Variants in KHSRP observed in about 807,000 individuals in gnomAD.
KHSRP encodes KH-type splicing regulatory protein, also known as far upstream element-binding protein 2.
Under a neutral mutation model 94.9 loss-of-function variants are expected in KHSRP, and 13 were observed. That is an observed-to-expected ratio of 0.14 (90% CI 0.09 to 0.22). The LOEUF is 0.22. Among genes scored for constraint, KHSRP ranks in the 10% least tolerant of loss-of-function variants. The pLI, the probability that KHSRP is intolerant of heterozygous loss-of-function variation, is 1.00. For missense variants in KHSRP, 710 were observed against 1,010.0 expected, an observed-to-expected ratio of 0.70 and a Z score of 4.03; for synonymous variants, 495 against 401.4, an observed-to-expected ratio of 1.23 and a Z score of -2.79.
At position 6,420,553 on chromosome 19, in the gene KHSRP, G is replaced by A; in HGVS notation, c.426-82C>T. Reference sequence around the variant, plus strand: ...CTCTGGAAGGTCTACTTGAAGCCAAGGCCACCATAGGTCTAAGCAGAGTCT... The same window carrying A: ...CTCTGGAAGGTCTACTTGAAGCCAAAGCCACCATAGGTCTAAGCAGAGTCT... On this transcript the variant is annotated intron_variant, in intron 4 of 18. Coordinates refer to ENST00000600480, the MANE Select transcript of KHSRP (RefSeq NM_001366299.1). The A allele has an allele frequency of 2.4e-6, 3 of 1,245,602 alleles. No homozygotes were observed. The South Asian group carries it at 3.7e-5, about 15-fold the overall frequency. 77.2% of individuals were successfully genotyped at this position (1,245,602 alleles called of 1,614,324 possible). A position where few individuals can be genotyped will look rare whatever the true frequency, so the allele number is the denominator to read the frequency against.
At chr19:6,423,399 G>A (rs549013348) in intron 1 of KHSRP, among the ~76,000 whole-genome samples, 1 of 152,340 alleles carries the variant, frequency 6.6e-6, no homozygotes, top group African/African-American at 2.4e-5. Context: ...CTGGGGTTTA[G>A]AAACCCAAAC....
chr19:6,414,540 C>CG lies in KHSRP; in HGVS notation c.*483dup. On this transcript the variant is annotated 3_prime_UTR_variant, in exon 19 of 19. Transcript: ENST00000600480. ...TTCACGCCCACTTCACAGACAAGCC[C>CG]GGGACACAGGCAAGCGCGAGCGCAT... is the stretch of plus-strand genomic sequence containing the variant. The CG allele has an allele frequency of 9.7e-7, 1 of 1,033,664 alleles. No homozygotes were observed. The highest frequency in any genetic ancestry group is 1.2e-6 in the Non-Finnish European group (1 of 861,666). The allele number at this position is 1,033,664 out of a possible 1,614,324, so 64.0% of individuals were successfully genotyped here.
rs2092116074 is a variant in KHSRP at position 6,413,523 on chromosome 19, C to A, written c.*1501G>T. On this transcript the variant is annotated 3_prime_UTR_variant, in exon 19 of 19. Coordinates refer to ENST00000600480, the MANE Select transcript of KHSRP (RefSeq NM_001366299.1). ...GACGGGCGGGGCCGCGGGAGCTGAGCCAGGGCGGGAGGGAGAGAAGAGGGG... is the reference window on the plus strand; with the variant it reads ...GACGGGCGGGGCCGCGGGAGCTGAGACAGGGCGGGAGGGAGAGAAGAGGGG... 3.4e-6 allele frequency: 1 copy of A among 292,872 alleles called. No homozygotes were observed. Among genetic ancestry groups the A allele is most frequent in the Non-Finnish European group, 7.1e-6 (1 of 141,586 alleles). The allele number at this position is 292,872 out of a possible 1,614,324, so 18.1% of individuals were successfully genotyped here.
intron 1 of KHSRP, among the ~76,000 whole-genome samples, chr19:6,423,868 C>G (rs980396161): frequency 6.6e-6 from 1 of 152,206 alleles, no homozygotes; most frequent in Non-Finnish European, 1.5e-5. Flanking sequence ...CTTCTTTCCC[C>G]CAAAGAGACA....
rs1599241439 is a variant in KHSRP at position 6,418,790 on chromosome 19, T to G, written c.692A>C (p.Gln231Pro). Reference protein sequence around the residue: ...GQFHDNANGGQNGTVQEIMIP... With the variant: ...GQFHDNANGGPNGTVQEIMIP... ...CATGATCTCCTGCACGGTGCCGTTC[T>G]GGCCCCCGTTGGCGTTGTCGTGGAA... The change falls in exon 8 of 19, where the codon CAG (glutamine) becomes CCG (proline). Residue 231 changes from glutamine (Q) to proline (P), a missense_variant. Around this residue, in one of 5 missense-constraint regions of KHSRP, gnomAD observed 288 missense variants for 501.1 expected, o/e 0.57. Transcript: ENST00000600480. The surrounding 1 kb of genome is among the most constrained non-coding windows in gnomAD (Gnocchi z 4.3). 6.2e-7 allele frequency: 1 copy of G among 1,600,630 alleles called. No individual in the cohort carries two copies. The highest frequency in any genetic ancestry group is 8.5e-7 in the Non-Finnish European group (1 of 1,175,986).
Position 6,418,193 on chromosome 19 carries a change from C to T in KHSRP, c.880-114G>A. 1 of 850,502 alleles carries T rather than the reference C, an allele frequency of 1.2e-6. No homozygotes were observed. Among genetic ancestry groups the T allele is most frequent in the South Asian group, 1.5e-5 (1 of 67,868 alleles). 52.7% of individuals were successfully genotyped at this position (850,502 alleles called of 1,614,324 possible). A position where few individuals can be genotyped will look rare whatever the true frequency, so the allele number is the denominator to read the frequency against. On this transcript the variant is annotated intron_variant, in intron 9 of 18. Coordinates refer to ENST00000600480, the MANE Select transcript of KHSRP (RefSeq NM_001366299.1). This position sits in a 1 kb window ranked among gnomAD's most constrained non-coding sequence, Gnocchi z 4.3. ...ACCCACGAACCCTGGGTGAGCCCAG[C>T]ACAGCACCCTACTGAGCTCTCTACC...
In KHSRP at chr19:6,416,474, G is replaced by A; in HGVS notation, c.1488+16C>T. 1 of 1,612,576 alleles carries A rather than the reference G, an allele frequency of 6.2e-7. No homozygotes were observed. Among genetic ancestry groups the A allele is most frequent in the Non-Finnish European group, 8.5e-7 (1 of 1,179,372 alleles). ...CGGGCTGTGAGACCAAATCCCCAGA[G>A]CCCGCCCCAACCCACCTCGATCTTT... On this transcript the variant is annotated intron_variant, in intron 14 of 18. Coordinates refer to ENST00000600480, the MANE Select transcript of KHSRP (RefSeq NM_001366299.1).
rs1291055255 is a variant in KHSRP, at chr19:6,414,354, G to C, written c.*670C>G. 6 of 1,373,832 alleles carry C rather than the reference G, an allele frequency of 4.4e-6. No homozygotes were observed. In the African/African-American group the frequency reaches 8.8e-5, roughly 20 times the overall value. The allele number at this position is 1,373,832 out of a possible 1,614,324, so 85.1% of individuals were successfully genotyped here. ...GAGAAGGAGGGACAGAGCAGGAAGAGAGGAGAGGGGCCGCGGAGGGCGGAG... is the reference window on the plus strand; with the variant it reads ...GAGAAGGAGGGACAGAGCAGGAAGACAGGAGAGGGGCCGCGGAGGGCGGAG... On this transcript the variant is annotated 3_prime_UTR_variant, in exon 19 of 19. Transcript: ENST00000600480.
intron 14 of KHSRP, 34 bp from the exon 15 acceptor site, chr19:6,416,441 C>T (rs2092147147): frequency 6.2e-7 from 1 of 1,612,866 alleles, no homozygotes; most frequent in Non-Finnish European, 8.5e-7. Flanking sequence ...GGTAAGTGGG[C>T]TGGGATCCGG....
Position 6,424,534 on chromosome 19 carries a change from C to A in KHSRP, c.168G>T (p.Gly56=). The A allele has an allele frequency of 1.0e-6, 1 of 979,042 alleles. No individual in the cohort carries two copies. Among genetic ancestry groups the A allele is most frequent in the Non-Finnish European group, 1.2e-6 (1 of 826,454 alleles). The allele number at this position is 979,042 out of a possible 1,614,324, so 60.6% of individuals were successfully genotyped here. The change falls in exon 1 of 19, where the codon GGG becomes GGT. Residue 56 remains glycine, a synonymous_variant. Coordinates refer to ENST00000600480, the MANE Select transcript of KHSRP (RefSeq NM_001366299.1). The part of the protein sequence containing the change: ...GGGGPGGGSA[G]GPSQPPGGGG... The stretch of plus-strand genomic sequence containing the variant: ...CTCCGCCGGGTGGCTGAGAGGGGCC[C>A]CCGGCCGACCCCCCGCCCGGGCCGC...
Position 6,418,399 on chromosome 19 carries a change from G to A in KHSRP, c.879+84C>T, listed in dbSNP as rs1377142471. 16 of 955,278 alleles carry A rather than the reference G, an allele frequency of 1.7e-5. No homozygotes were observed. The highest frequency in any genetic ancestry group is 2.8e-5 in the South Asian group (2 of 71,998). 59.2% of individuals were successfully genotyped at this position (955,278 alleles called of 1,614,324 possible). On this transcript the variant is annotated intron_variant, in intron 9 of 18. Transcript: ENST00000600480. This position sits in a 1 kb window ranked among gnomAD's most constrained non-coding sequence, Gnocchi z 4.3. Reference sequence around the variant, plus strand: ...CCGACTGTTCACATATCTCTCTGGCGGAATGCAGACCCCGAGACCGCTGGC... The same window carrying A: ...CCGACTGTTCACATATCTCTCTGGCAGAATGCAGACCCCGAGACCGCTGGC...
rs912803051 is a variant in KHSRP at position 6,414,314 on chromosome 19, C to T, written c.*710G>A. The T allele has an allele frequency of 1.2e-5, 17 of 1,393,502 alleles. No homozygotes were observed. Among genetic ancestry groups the T allele is most frequent in the African/African-American group, 4.4e-5 (3 of 68,502 alleles). 86.3% of individuals were successfully genotyped at this position (1,393,502 alleles called of 1,614,324 possible). On this transcript the variant is annotated 3_prime_UTR_variant, in exon 19 of 19. Coordinates refer to ENST00000600480, the MANE Select transcript of KHSRP (RefSeq NM_001366299.1). ...GTGCTCGCGGGACTCGCTGAAGTCA[C>T]GCTGCTCCCTGATGGAGAAGGAGGG...
rs566553189 is a variant in KHSRP at position 6,418,174 on chromosome 19, G to T, written c.880-95C>A. The T allele has an allele frequency of 3.7e-6, 4 of 1,086,196 alleles. No homozygotes were observed. In the African/African-American group the frequency reaches 6.2e-5, roughly 17 times the overall value. The allele number at this position is 1,086,196 out of a possible 1,614,324, so 67.3% of individuals were successfully genotyped here. A position where few individuals can be genotyped will look rare whatever the true frequency, so the allele number is the denominator to read the frequency against. ...GTGCGGGCCTCAACTAAGGACCCACGAACCCTGGGTGAGCCCAGCACAGCA... is the reference window on the plus strand; with the variant it reads ...GTGCGGGCCTCAACTAAGGACCCACTAACCCTGGGTGAGCCCAGCACAGCA... On this transcript the variant is annotated intron_variant, in intron 9 of 18. Transcript: ENST00000600480. The surrounding 1 kb of genome is among the most constrained non-coding windows in gnomAD (Gnocchi z 4.3).
rs775491274 is a variant in KHSRP at position 6,421,632 on chromosome 19, C to T, written c.385+18G>A. 3.1e-6 allele frequency: 5 copies of T among 1,613,798 alleles called. No homozygotes were observed. The highest frequency in any genetic ancestry group is 4.2e-6 in the Non-Finnish European group (5 of 1,179,760). On this transcript the variant is annotated intron_variant, in intron 3 of 18. Transcript: ENST00000600480. ...CCCTCTGAAGCCACATATCTGCCAC[C>T]AGACCCCCTGGACTTACAGTCTCCC...
At chr19:6,417,275 C>T (rs1230674175) in intron 11 of KHSRP, among the ~76,000 whole-genome samples, 188 bp from the exon 12 acceptor site, 4 of 152,256 alleles carry the variant, frequency 2.6e-5, no homozygotes, top group Admixed American at 2.0e-4. Context: ...AGGAAACCCA[C>T]GGCCAAGCCA....
intron 4 of KHSRP, among the ~76,000 whole-genome samples, 153 bp from the exon 5 acceptor site, chr19:6,420,624 G>A (rs1462032406): frequency 1.3e-5 from 2 of 152,256 alleles, no homozygotes; most frequent in African/African-American, 4.8e-5. Flanking sequence ...TTCCCCATCT[G>A]TGCCCCGAGA....
At chr19:6,417,505 G>T (rs1020201702) in intron 11 of KHSRP, among the ~76,000 whole-genome samples, 1 of 152,202 alleles carries the variant, frequency 6.6e-6, no homozygotes, top group Non-Finnish European at 1.5e-5. Context: ...ATCGTAGGGG[G>T]AGGAAGAGGA....
chr19:6,415,369 T>C lies in KHSRP; in HGVS notation c.1966+11A>G, dbSNP rs1407742848. The C allele has an allele frequency of 2.5e-6, 4 of 1,608,144 alleles. No homozygotes were observed. Among genetic ancestry groups the C allele is most frequent in the South Asian group, 1.1e-5 (1 of 90,044 alleles). On this transcript the variant is annotated intron_variant, in intron 18 of 18. Coordinates refer to ENST00000600480, the MANE Select transcript of KHSRP (RefSeq NM_001366299.1). Reference sequence around the variant, plus strand: ...TGCCCCTGCCCCTGTCCCCGCATGGTGGCCACTCACCTTGCTTCTTGTAGT... The same window carrying C: ...TGCCCCTGCCCCTGTCCCCGCATGGCGGCCACTCACCTTGCTTCTTGTAGT...
At chr19:6,416,073 T>C (rs1426177203) in intron 15 of KHSRP, among the ~76,000 whole-genome samples, 177 bp from the exon 16 acceptor site, 6 of 152,208 alleles carry the variant, frequency 3.9e-5, no homozygotes, top group African/African-American at 7.2e-5. Context: ...CAGCGTCAGC[T>C]TGAGGACATG....
Sources: gnomAD v4.1 joint callset for allele counts (sites outside exome capture counted in the v4.1 genomes callset) on GRCh38, gnomAD v4.1.1 for gene constraint, gnomAD v4.1.1 regional missense constraint, Gnocchi (gnomAD v3.1) non-coding constraint, MANE v1.5 for transcripts, NCBI Gene and HGNC (gene_info 2026-07-23, HGNC 2026-07-21) for gene names.